The following MBNL3 variants were observed in gnomAD, a reference collection of about 807,000 sequenced individuals.
MBNL3 encodes the protein muscleblind like splicing regulator 3.
MBNL3 carries 6 observed loss-of-function variants against 24.5 expected under a neutral mutation model. That is an observed-to-expected ratio of 0.25 (90% confidence interval 0.13 to 0.48). The LOEUF (loss-of-function observed/expected upper bound fraction) is 0.48. Among genes scored for constraint, MBNL3 ranks in the 20% least tolerant of loss-of-function variants. MBNL3 has a pLI of 0.99. For missense variants in MBNL3, 230 were observed against 293.5 expected (o/e 0.78, Z 1.58); for synonymous variants, 100 against 101.7 (o/e 0.98, Z 0.10).
chrX:132,429,992 G>A (rs1417236139), intron 2 of MBNL3: 1 of 111,343 alleles, frequency 9.0e-6, no homozygotes, highest in Non-Finnish European at 1.9e-5. Context: ...TCGTTTGCTA[G>A]GTTTGTGAAG....
At chrX:132,421,264 G>A (rs1208098595) in intron 2 of MBNL3, among the ~76,000 whole-genome samples, 2 of 111,022 alleles carry the variant, frequency 1.8e-5, no homozygotes, top group African/African-American at 3.3e-5. Flanking sequence ...AATATTTCCC[G>A]AGAATTAAGT....
chrX:132,462,603 C>T (rs760470562), intron 1 of MBNL3, among the ~76,000 whole-genome samples: 1 of 111,985 alleles, frequency 8.9e-6, no homozygotes, highest in South Asian at 3.8e-4. Context: ...AAGAAAGACA[C>T]AGCCACATGT....
intron 4 of MBNL3, among the ~76,000 whole-genome samples, chrX:132,391,405 G>GT (rs926748272): frequency 4.5e-5 from 5 of 111,537 alleles, no homozygotes; most frequent in African/African-American, 1.6e-4. Flanking sequence ...CATAATTAGT[G>GT]TTTTTTTAAG....
chrX:132,426,718 C>G (rs187981834), intron 2 of MBNL3, among the ~76,000 whole-genome samples: 7 of 111,811 alleles, frequency 6.3e-5, no homozygotes, highest in African/African-American at 2.3e-4. Context: ...CCTACCTGTG[C>G]CCTTGGACTG....
intron 2 of MBNL3, among the ~76,000 whole-genome samples, chrX:132,407,992 C>T (rs776558309): frequency 9.3e-6 from 1 of 107,183 alleles, no homozygotes; most frequent in African/African-American, 3.4e-5. Context: ...AATCTCTTTT[C>T]CCTGGAGAGA....
At chrX:132,460,027 C>T (rs753764430) in intron 1 of MBNL3, among the ~76,000 whole-genome samples, 59 of 111,287 alleles carry the variant, frequency 5.3e-4, no homozygotes, top group African/African-American at 1.9e-3. Context: ...GGGACCTAGA[C>T]GGAAAAAAGT....
rs759357916 is a variant in MBNL3 at position 132,483,659 on chromosome X, T to C, written c.-704+5192A>G. ...CATAACCTCTTGTTTGGTTACTTTGTACTGCCACATAAGGAGAAATTGCAA... is the reference window on the plus strand; with the variant it reads ...CATAACCTCTTGTTTGGTTACTTTGCACTGCCACATAAGGAGAAATTGCAA... On this transcript the variant is annotated intron_variant, in intron 1 of 8. Transcript: ENST00000370853. Among the ~76,000 whole-genome samples the C allele has an allele frequency of 4.5e-5, 5 of 112,276 alleles. No homozygotes were observed. In the East Asian group the frequency reaches 1.4e-3, roughly 31 times the overall value.
chrX:132,445,663 A>G (rs1049661895), intron 1 of MBNL3, among the ~76,000 whole-genome samples: 38 of 111,563 alleles, frequency 3.4e-4, no homozygotes, highest in African/African-American at 1.2e-3. Flanking sequence ...AATAGGTGCA[A>G]CAGTGTCTCT....
At position 132,381,777 on chromosome X, in the gene MBNL3, C is replaced by G. The variant is rs145896176; in HGVS notation, c.1053+401G>C. On this transcript the variant is annotated intron_variant, in intron 8 of 8. Transcript: ENST00000370853. Reference sequence around the variant, plus strand: ...AAAGAAATGTGATATTTTGTTTTCTCTCCAGTGGATCTGAAGGTAAAGGTG... The same window carrying G: ...AAAGAAATGTGATATTTTGTTTTCTGTCCAGTGGATCTGAAGGTAAAGGTG... Among the ~76,000 whole-genome samples, 11 of 112,114 alleles carry G rather than the reference C, an allele frequency of 9.8e-5. No individual in the cohort carries two copies. The South Asian group carries it at 1.1e-3, about 11-fold the overall frequency.
At chrX:132,396,546 CTATATATTCCTATATATATTCCTA>C (rs1201757852) in intron 3 of MBNL3, among the ~76,000 whole-genome samples, 588 of 29,845 alleles carry the variant, frequency 0.02, 19 homozygotes, top group Middle Eastern at 0.033. Flanking sequence ...ATATATATTC[CTATATATTCCTATATATATTCCTA>C]TATATATTCC....
chrX:132,399,771 T>C (rs1940531504), intron 3 of MBNL3, among the ~76,000 whole-genome samples: 1 of 107,290 alleles, frequency 9.3e-6, no homozygotes, highest in African/African-American at 3.4e-5. Flanking sequence ...TCTCCTCTCA[T>C]TGACAAATTA....
chrX:132,406,103 T>TA lies in MBNL3; in HGVS notation c.342+124_342+125insT, dbSNP rs1941786957. On this transcript the variant is annotated intron_variant, in intron 3 of 8. Coordinates refer to ENST00000370853, the MANE Select transcript of MBNL3 (RefSeq NM_001386889.1). ...ACTGCTCTCTTCAAGTGCACAGCTC[T>TA]GTAGTGTCAATGAACATATTAGTTT... The TA allele has an allele frequency of 3.8e-6, 3 of 786,646 alleles. No individual in the cohort carries two copies. The Admixed American group carries it at 6.9e-5, about 18-fold the overall frequency. The allele number at this position is 786,646 out of a possible 1,213,427, so 64.8% of individuals were successfully genotyped here.
intron 1 of MBNL3, among the ~76,000 whole-genome samples, chrX:132,458,049 A>G (rs1946458699): frequency 9.0e-6 from 1 of 111,224 alleles, no homozygotes; most frequent in Non-Finnish European, 1.9e-5. Flanking sequence ...ATCTTTTTTT[A>G]GGGTAGATGG....
intron 2 of MBNL3, among the ~76,000 whole-genome samples, chrX:132,436,692 A>G (rs1009183142): frequency 3.6e-5 from 4 of 112,199 alleles, no homozygotes; most frequent in African/African-American, 1.3e-4. Context: ...ATACTAGCAC[A>G]ATGCACATAG....
chrX:132,402,548 T>A (rs1425883805), intron 3 of MBNL3, among the ~76,000 whole-genome samples: 1 of 111,976 alleles, frequency 8.9e-6, no homozygotes, highest in African/African-American at 3.2e-5. Flanking sequence ...CTTCAACTTA[T>A]ACTTTTTTGC....
At chrX:132,409,962 A>G (rs769663652) in intron 2 of MBNL3, among the ~76,000 whole-genome samples, 1 of 111,684 alleles carries the variant, frequency 9.0e-6, no homozygotes, top group South Asian at 3.8e-4. Context: ...CTCTGCTGAA[A>G]TAAGTGCTAC....
At chrX:132,429,318 A>G (rs1027559921) in intron 2 of MBNL3, among the ~76,000 whole-genome samples, 3 of 112,193 alleles carry the variant, frequency 2.7e-5, no homozygotes, top group African/African-American at 6.5e-5. Flanking sequence ...TCAGACATCA[A>G]TGAGTTTCAT....
intron 1 of MBNL3, among the ~76,000 whole-genome samples, chrX:132,462,553 T>C (rs1946676894): frequency 8.9e-6 from 1 of 112,035 alleles, no homozygotes. Context: ...GGAAGCTAGT[T>C]GGTGGAAGAG....
chrX:132,415,741 C>T (rs1943231179), intron 2 of MBNL3, among the ~76,000 whole-genome samples: 1 of 111,796 alleles, frequency 8.9e-6, no homozygotes, highest in African/African-American at 3.3e-5. Context: ...CCTCACACTC[C>T]TACCCTACTA....
Sources: allele counts gnomAD v4.1 joint callset (sites outside exome capture counted in the v4.1 genomes callset), GRCh38; gene constraint gnomAD v4.1.1; transcripts MANE v1.5; gene names NCBI Gene and HGNC (gene_info 2026-07-23, HGNC 2026-07-21).